LRP1B: variants seen among roughly 807,000 people sequenced by gnomAD.
LRP1B encodes low-density lipoprotein receptor-related protein 1B.
A neutral mutation model predicts 556.6 loss-of-function variants in LRP1B; 217 were observed. That is an observed-to-expected ratio of 0.39 (90% CI 0.35 to 0.44). LRP1B has a LOEUF of 0.44. LRP1B is among the 20% of genes least tolerant of loss of function. The pLI is 1.00. For missense variants in LRP1B, 5,053 were observed against 5,620.8 expected (o/e 0.90, Z 3.23); for synonymous variants, 2,047 against 1,865.8 (o/e 1.10, Z -2.50).
chr2:140,571,054 T>C (rs1258021162), intron 43 of LRP1B, among the ~76,000 whole-genome samples: 1 of 151,880 alleles, frequency 6.6e-6, no homozygotes, highest in Non-Finnish European at 1.5e-5. Context: ...AACATCATAC[T>C]TAATGAAGCA....
intron 66 of LRP1B, among the ~76,000 whole-genome samples, chr2:140,421,902 C>T (rs191003767): frequency 6.6e-6 from 1 of 152,176 alleles, no homozygotes; most frequent in Non-Finnish European, 1.5e-5. Flanking sequence ...TGCCACATCA[C>T]CCTTTCCATC....
chr2:140,239,262 GAGA>G (rs1324796440), intron 88 of LRP1B, among the ~76,000 whole-genome samples, 177 bp downstream of exon 88: 1 of 150,776 alleles, frequency 6.6e-6, no homozygotes, highest in East Asian at 2.0e-4. Flanking sequence ...CATAACATGG[GAGA>G]AGACTTGTCT....
At chr2:141,356,860 C>T (rs550331680) in intron 3 of LRP1B, among the ~76,000 whole-genome samples, 5 of 152,166 alleles carry the variant, frequency 3.3e-5, no homozygotes, top group African/African-American at 7.2e-5. Context: ...CTAAATACCA[C>T]TCAAAGCTTT....
chr2:141,234,178 T>A (rs541560519), intron 5 of LRP1B, among the ~76,000 whole-genome samples: 102 of 152,072 alleles, frequency 6.7e-4, no homozygotes, highest in African/African-American at 2.4e-3. Flanking sequence ...AAGAGGTTTT[T>A]TTTTCAGATT....
chr2:141,118,105 A>T (rs1476495659), intron 7 of LRP1B, among the ~76,000 whole-genome samples: 1 of 152,078 alleles, frequency 6.6e-6, no homozygotes, highest in East Asian at 1.9e-4. Context: ...ATACATGGAA[A>T]CTGTGTATAG....
In LRP1B at chr2:141,280,628, C is replaced by G. The variant is rs141721084; in HGVS notation, c.344-25987G>C. On this transcript the variant is annotated intron_variant, in intron 3 of 90. Transcript: ENST00000389484. ...CGCTTAATATTGGCTTGTTTAAAGTCCCAGTAATAAAAGTGTTAGCAAGGA... is the reference window on the plus strand; with the variant it reads ...CGCTTAATATTGGCTTGTTTAAAGTGCCAGTAATAAAAGTGTTAGCAAGGA... 4.5e-3 allele frequency among the ~76,000 whole-genome samples: 690 copies of G among 151,794 alleles called. 6 individuals carry two copies. Among genetic ancestry groups the G allele is most frequent in the African/African-American group, 0.016 (659 of 41,438 alleles).
chr2:142,004,057 T>C (rs1702735177), intron 1 of LRP1B, among the ~76,000 whole-genome samples: 1 of 152,224 alleles, frequency 6.6e-6, no homozygotes, highest in Admixed American at 6.5e-5. Flanking sequence ...TAACAGCTAT[T>C]ATGTTCCAAG....
At chr2:141,729,299 T>C (rs1351863662) in intron 2 of LRP1B, among the ~76,000 whole-genome samples, 1 of 149,884 alleles carries the variant, frequency 6.7e-6, no homozygotes, top group Non-Finnish European at 1.5e-5. Context: ...GCTTATGCTA[T>C]GCTATTCTTT....
intron 1 of LRP1B, among the ~76,000 whole-genome samples, chr2:141,977,106 T>C (rs894626661): frequency 6.6e-6 from 1 of 152,188 alleles, no homozygotes; most frequent in Non-Finnish European, 1.5e-5. Context: ...TATTATTTCC[T>C]TAATATAATT....
intron 7 of LRP1B, among the ~76,000 whole-genome samples, chr2:141,096,753 T>TA (rs760361693): frequency 1.3e-5 from 2 of 151,670 alleles, no homozygotes; most frequent in African/African-American, 4.8e-5. Context: ...ATTTTAAATG[T>TA]AAAAAAAATT....
intron 66 of LRP1B, among the ~76,000 whole-genome samples, chr2:140,426,054 A>C (rs1480290692): frequency 2.0e-5 from 3 of 152,212 alleles, no homozygotes; most frequent in African/African-American, 7.2e-5. Flanking sequence ...AAGAAAACAG[A>C]TAATACAAAC....
At chr2:141,402,460 C>T (rs1421030383) in intron 3 of LRP1B, among the ~76,000 whole-genome samples, 1 of 151,852 alleles carries the variant, frequency 6.6e-6, no homozygotes, top group African/African-American at 2.4e-5. Context: ...ACCAGTCAAC[C>T]AAAAAGTATT....
intron 3 of LRP1B, among the ~76,000 whole-genome samples, chr2:141,285,458 T>TC (rs1424943875): frequency 3.5e-5 from 5 of 142,468 alleles, no homozygotes; most frequent in Admixed American, 2.8e-4. Flanking sequence ...TTTTTTTCTT[T>TC]TTTTTTTTTT....
intron 7 of LRP1B, among the ~76,000 whole-genome samples, chr2:141,112,068 A>AC (rs1244324922): frequency 9.3e-6 from 1 of 107,488 alleles, no homozygotes; most frequent in Non-Finnish European, 1.9e-5. Flanking sequence ...ATAAATAAAT[A>AC]AATAATAAAT....
intron 1 of LRP1B, among the ~76,000 whole-genome samples, chr2:141,821,046 G>A (rs189548239): frequency 1.3e-5 from 2 of 152,320 alleles, no homozygotes; most frequent in African/African-American, 4.8e-5. Context: ...GATGAGCCAG[G>A]AAAGAAGAAG....
chr2:140,913,038 T>C (rs533869425), intron 21 of LRP1B, among the ~76,000 whole-genome samples: 49 of 151,906 alleles, frequency 3.2e-4, no homozygotes, highest in African/African-American at 1.1e-3. Context: ...ATAATATTAA[T>C]ATGAAGTAAA....
At chr2:140,503,772 T>G (rs1689292359) in intron 53 of LRP1B, among the ~76,000 whole-genome samples, 1 of 152,132 alleles carries the variant, frequency 6.6e-6, no homozygotes, top group African/African-American at 2.4e-5. Flanking sequence ...TTTCTAAGTT[T>G]GTCAACTATA....
chr2:140,530,450 TAA>T (rs1316730327), intron 47 of LRP1B, among the ~76,000 whole-genome samples: 5 of 152,088 alleles, frequency 3.3e-5, no homozygotes, highest in African/African-American at 9.7e-5. Flanking sequence ...TTGCATAATA[TAA>T]GTCTTTATCA....
intron 2 of LRP1B, among the ~76,000 whole-genome samples, chr2:141,807,225 G>A (rs916927787): frequency 3.3e-5 from 5 of 151,792 alleles, no homozygotes; most frequent in Non-Finnish European, 1.5e-5. Context: ...TGAACATCTG[G>A]ATTGAGAAAT....
Sources: allele counts gnomAD v4.1 joint callset (sites outside exome capture counted in the v4.1 genomes callset), GRCh38; gene constraint gnomAD v4.1.1; transcripts MANE v1.5; gene names NCBI Gene and HGNC (gene_info 2026-07-23, HGNC 2026-07-21).